BACH2: variants seen among roughly 807,000 people sequenced by gnomAD.
BACH2 encodes transcription regulator protein BACH2.
BACH2 carries 5 observed loss-of-function variants against 61.8 expected under a neutral mutation model. The ratio of observed to expected loss-of-function variants is 0.08; its 90% CI spans 0.04 to 0.17. The LOEUF (loss-of-function observed/expected upper bound fraction) is 0.17. Ranked by LOEUF, BACH2 falls within the 10% of genes least tolerant of loss-of-function variation. The probability of loss-of-function intolerance (pLI) is 1.00; values close to 1 mark genes in which losing one functional copy is unlikely to be tolerated. For missense variants in BACH2, 824 were observed against 1,091.1 expected (o/e 0.76, Z 3.45); for synonymous variants, 446 against 440.1 (o/e 1.01, Z -0.17).
chr6:90,047,087 C>T (rs1396133323), intron 5 of BACH2, among the ~76,000 whole-genome samples: 5 of 152,134 alleles, frequency 3.3e-5, no homozygotes, highest in South Asian at 2.1e-4. Context: ...TCTGCCATTA[C>T]GCAGGCTAAT....
intron 4 of BACH2, among the ~76,000 whole-genome samples, chr6:90,100,040 T>C (rs1782547576): frequency 6.6e-6 from 1 of 152,210 alleles, no homozygotes; most frequent in Admixed American, 6.5e-5. Context: ...ATGAGGCCTT[T>C]TGTGTCTAGC....
intron 7 of BACH2, among the ~76,000 whole-genome samples, chr6:89,942,912 G>C (rs1773519710): frequency 6.6e-6 from 1 of 152,312 alleles, no homozygotes; most frequent in East Asian, 1.9e-4. Context: ...TTTTTAGCAC[G>C]GTACCTGCCC....
chr6:90,095,588 T>C (rs1782348782), intron 4 of BACH2, among the ~76,000 whole-genome samples: 1 of 152,176 alleles, frequency 6.6e-6, no homozygotes, highest in Admixed American at 6.5e-5. Flanking sequence ...TTTTCACTTC[T>C]ATCATAAAAG....
At chr6:90,114,695 G>A (rs965511470) in intron 4 of BACH2, among the ~76,000 whole-genome samples, 43 of 152,108 alleles carry the variant, frequency 2.8e-4, no homozygotes, top group East Asian at 3.9e-4. Flanking sequence ...GAAATAAAGC[G>A]TATCCAAATA....
intron 3 of BACH2, among the ~76,000 whole-genome samples, chr6:90,223,111 C>T (rs142463444): frequency 7.9e-5 from 12 of 152,314 alleles, no homozygotes; most frequent in South Asian, 2.1e-4. Context: ...ATCCATGAGA[C>T]GCACCCTTCT....
intron 5 of BACH2, among the ~76,000 whole-genome samples, chr6:90,017,867 CCAGA>C (rs1365386703): frequency 6.6e-6 from 1 of 152,096 alleles, no homozygotes; most frequent in Non-Finnish European, 1.5e-5. Flanking sequence ...TGATTGGATG[CCAGA>C]CAGTGTAAAA....
At chr6:90,221,986 T>C (rs746888030) in intron 3 of BACH2, among the ~76,000 whole-genome samples, 1 of 152,184 alleles carries the variant, frequency 6.6e-6, no homozygotes, top group African/African-American at 2.4e-5. Context: ...AATTTAAAAC[T>C]TTTTAATAAC....
At chr6:90,014,870 C>T (rs1675536826) in intron 5 of BACH2, among the ~76,000 whole-genome samples, 2 of 151,960 alleles carry the variant, frequency 1.3e-5, no homozygotes, top group South Asian at 2.1e-4. Context: ...CCTCAAACTC[C>T]TGGGGCTCAT....
intron 4 of BACH2, among the ~76,000 whole-genome samples, chr6:90,100,726 CAG>C (rs368786587): frequency 5.3e-5 from 5 of 94,362 alleles, no homozygotes; most frequent in South Asian, 3.6e-4. Context: ...CACACACACA[CAG>C]ACACACACAC....
intron 5 of BACH2, among the ~76,000 whole-genome samples, chr6:90,055,724 G>A (rs1203773408): frequency 6.6e-6 from 1 of 151,990 alleles, no homozygotes; most frequent in African/African-American, 2.4e-5. Context: ...CAGCCAGAGA[G>A]AAAGGTCAGG....
At chr6:90,106,889 C>A (rs970542516) in intron 4 of BACH2, among the ~76,000 whole-genome samples, 2 of 152,212 alleles carry the variant, frequency 1.3e-5, no homozygotes, top group Non-Finnish European at 2.9e-5. Flanking sequence ...GGAAGGATAA[C>A]ACCTACATAC....
chr6:90,098,003 T>C (rs1782449661), intron 4 of BACH2, among the ~76,000 whole-genome samples: 1 of 152,196 alleles, frequency 6.6e-6, no homozygotes, highest in South Asian at 2.1e-4. Context: ...ATTGTTTCTC[T>C]AGGTTCTATA....
Position 90,126,314 on chromosome 6 carries a change from C to A in BACH2, c.-161-37205G>T, listed in dbSNP as rs141434312. On this transcript the variant is annotated intron_variant, in intron 4 of 8. Transcript: ENST00000257749. ...AACATGTTTGAAAGGGATAGGGACTCGGGAACACATCTCAAAAATGTGGGT... is the reference window on the plus strand; with the variant it reads ...AACATGTTTGAAAGGGATAGGGACTAGGGAACACATCTCAAAAATGTGGGT... 2.6e-3 allele frequency among the ~76,000 whole-genome samples: 399 copies of A among 152,214 alleles called. 4 individuals carry two copies. The highest frequency in any genetic ancestry group is 9.3e-3 in the African/African-American group (388 of 41,506).
At chr6:90,239,787 G>A in intron 3 of BACH2, among the ~76,000 whole-genome samples, 1 of 134,114 alleles carries the variant, frequency 7.5e-6, no homozygotes, top group East Asian at 2.1e-4. Context: ...TCCATAGTAA[G>A]GGGGGGGGAA....
At chr6:90,170,097 C>T (rs1767762249) in intron 4 of BACH2, among the ~76,000 whole-genome samples, 1 of 151,946 alleles carries the variant, frequency 6.6e-6, no homozygotes, top group African/African-American at 2.4e-5. Context: ...AATTTAGAAA[C>T]TTCTACAAAT....
intron 5 of BACH2, among the ~76,000 whole-genome samples, chr6:90,013,282 C>T (rs867233128): frequency 2.0e-4 from 30 of 152,056 alleles, no homozygotes; most frequent in Non-Finnish European, 1.8e-4. Flanking sequence ...ACTGCATTGT[C>T]TAGAAGCTCT....
intron 4 of BACH2, among the ~76,000 whole-genome samples, chr6:90,205,504 G>A (rs899799028): frequency 1.3e-5 from 2 of 152,134 alleles, no homozygotes; most frequent in African/African-American, 4.8e-5. Flanking sequence ...AGAGTGAAGG[G>A]AAGGGGATGC....
At chr6:89,952,265 C>CT (rs1774174445) in intron 6 of BACH2, among the ~76,000 whole-genome samples, 1 of 152,130 alleles carries the variant, frequency 6.6e-6, no homozygotes, top group Non-Finnish European at 1.5e-5. Flanking sequence ...TTGCAGCTTG[C>CT]TGGAGCCCAA....
intron 6 of BACH2, among the ~76,000 whole-genome samples, chr6:89,981,091 A>G (rs1408225558): frequency 1.3e-5 from 2 of 151,716 alleles, no homozygotes; most frequent in Non-Finnish European, 2.9e-5. Flanking sequence ...TAGTTGTTTT[A>G]GCTTAAAGAT....
Sources: allele counts gnomAD v4.1 joint callset (sites outside exome capture counted in the v4.1 genomes callset), GRCh38; gene constraint gnomAD v4.1.1; transcripts MANE v1.5; gene names NCBI Gene and HGNC (gene_info 2026-07-23, HGNC 2026-07-21).